The following NCOR2 variants were observed in gnomAD, a reference collection of about 807,000 sequenced individuals.
The protein encoded by NCOR2 is CTG repeat protein 26.
In NCOR2, 81 loss-of-function variants were observed where a neutral mutation model predicts 262.9. That is an observed-to-expected ratio of 0.31 (90% CI 0.26 to 0.37). NCOR2 has a LOEUF of 0.37. NCOR2 is among the 10% of genes least tolerant of loss of function. The probability of loss-of-function intolerance (pLI) is 1.00; values close to 1 mark genes in which losing one functional copy is unlikely to be tolerated. For synonymous variants in NCOR2, 1,659 were observed against 1,559.3 expected (o/e 1.06, Z -1.51); for missense variants, 3,385 against 3,621.4 (o/e 0.93, Z 1.68).
intron 20 of NCOR2, 64 bp downstream of exon 22, chr12:124,371,958 A>T: frequency 6.8e-7 from 1 of 1,461,388 alleles, no homozygotes; most frequent in Non-Finnish European, 9.1e-7. Context: ...CTGTCTAAGT[A>T]GGTAGTCGCT....
chr12:124,525,683 G>T (rs906216148), intron 1 of NCOR2, among the ~76,000 whole-genome samples: 4 of 152,238 alleles, frequency 2.6e-5, no homozygotes, highest in African/African-American at 9.6e-5. Context: ...AAGAGATCCA[G>T]GCTGGCTGCG....
At chr12:124,380,112 G>A (rs907739473) in intron 17 of NCOR2, among the ~76,000 whole-genome samples, 9 of 152,334 alleles carry the variant, frequency 5.9e-5, no homozygotes, top group East Asian at 1.9e-4. Context: ...TGGTGCACCC[G>A]GATTCCAAGA....
chr12:124,336,945 C>T, exon 38 of NCOR2: 1 of 1,545,392 alleles, frequency 6.5e-7, no homozygotes, highest in Non-Finnish European at 8.7e-7. Context: ...GGCTCCGAGC[C>T]CTTGCTGGGG....
intron 18 of NCOR2, among the ~76,000 whole-genome samples, chr12:124,375,153 G>A (rs539808543): frequency 6.6e-6 from 1 of 152,198 alleles, no homozygotes; most frequent in East Asian, 1.9e-4. Context: ...GGAGGGGAGA[G>A]CACTGAGCCC....
chr12:124,405,588 T>C (rs2042230804), intron 13 of NCOR2, among the ~76,000 whole-genome samples: 1 of 152,176 alleles, frequency 6.6e-6, no homozygotes, highest in Non-Finnish European at 1.5e-5. Flanking sequence ...GGCCTTAAAA[T>C]ATGCTTTCCA....
intron 7 of NCOR2, 46 bp downstream of exon 9, chr12:124,449,769 C>T (rs1267998040): frequency 1.2e-6 from 2 of 1,606,876 alleles, no homozygotes; most frequent in East Asian, 2.2e-5. Context: ...AGCCTGCTCG[C>T]CCACCCTGCC....
chr12:124,397,007 T>C (rs1352299045), intron 16 of NCOR2, among the ~76,000 whole-genome samples: 4 of 151,600 alleles, frequency 2.6e-5, no homozygotes, highest in Non-Finnish European at 5.9e-5. Flanking sequence ...GGACGGGGAG[T>C]GGGGGCCTGG....
intron 40 of NCOR2, 197 bp downstream of exon 42, chr12:124,334,938 A>AG: frequency 1.3e-6 from 1 of 746,464 alleles, no homozygotes; most frequent in Non-Finnish European, 2.2e-6. Context: ...CCCATGGATT[A>AG]GGGGGCGGTG....
In NCOR2 at chr12:124,434,003, A is replaced by C. The variant is rs374944871; in HGVS notation, c.883-3216T>G. ...GGAGCGCAAATCCACTAGGGAGAAG[A>C]AGCAGGCCAGCCATGCCTCTGGGAC... is the stretch of plus-strand genomic sequence containing the variant. On this transcript the variant is annotated intron_variant, in intron 8 of 46. Transcript: ENST00000405201. 4.0e-4 allele frequency among the ~76,000 whole-genome samples: 60 copies of C among 151,598 alleles called. No individual in the cohort carries two copies. In the South Asian group the frequency reaches 8.0e-3, roughly 20 times the overall value.
chr12:124,375,207 C>T (rs1429045614), intron 18 of NCOR2, among the ~76,000 whole-genome samples: 1 of 152,200 alleles, frequency 6.6e-6, no homozygotes, highest in Non-Finnish European at 1.5e-5. Context: ...TGCCTGGTGA[C>T]TTCAGCAATG....
chr12:124,473,010 C>T (rs369807577), exon 4 of NCOR2: 5 of 1,614,044 alleles, frequency 3.1e-6, no homozygotes, highest in Non-Finnish European at 4.2e-6. Context: ...TCGGTCCACG[C>T]GGTCCATGTT....
intron 11 of NCOR2, among the ~76,000 whole-genome samples, chr12:124,423,082 C>G (rs1283713716): frequency 6.6e-6 from 1 of 152,184 alleles, no homozygotes; most frequent in Non-Finnish European, 1.5e-5. Flanking sequence ...GCCAAGGAGG[C>G]GGCAAGCATG....
intron 11 of NCOR2, among the ~76,000 whole-genome samples, chr12:124,424,511 C>A (rs1262230847): frequency 6.6e-6 from 1 of 152,156 alleles, no homozygotes; most frequent in African/African-American, 2.4e-5. Flanking sequence ...GGGCTCATTA[C>A]CCCACCCCTC....
Position 124,404,745 on chromosome 12 carries a change from A to T in NCOR2, c.1483-2184T>A, listed in dbSNP as rs562348423. Among the ~76,000 whole-genome samples the T allele has an allele frequency of 9.9e-5, 15 of 152,276 alleles. No individual in the cohort carries two copies. The South Asian group carries it at 3.1e-3, about 32-fold the overall frequency. On this transcript the variant is annotated intron_variant, in intron 13 of 46. Transcript: ENST00000405201. ...GAGAAAATCCCCACAGATCCCCGAG[A>T]GCTGACTATGTGCCCAGCACTGTGC...
intron 11 of NCOR2, 103 bp downstream of exon 13, chr12:124,426,518 AC>A: frequency 2.5e-5 from 29 of 1,157,072 alleles, no homozygotes; most frequent in East Asian, 2.2e-4. Flanking sequence ...GGTTTTAAGC[AC>A]CCCCCGGCAT....
chr12:124,449,683 G>A (rs368333177), intron 7 of NCOR2, 132 bp downstream of exon 9: 2 of 1,066,084 alleles, frequency 1.9e-6, no homozygotes, highest in Non-Finnish European at 1.4e-6. Context: ...GTCCCCTCCG[G>A]GAGCACCTGG....
exon 24 of NCOR2, chr12:124,355,543 G>A (rs1432203074): frequency 6.3e-7 from 1 of 1,589,322 alleles, no homozygotes; most frequent in South Asian, 1.2e-5. Flanking sequence ...GCCGGGCAGT[G>A]TCATGGAGGC....
chr12:124,335,517 G>T, exon 39 of NCOR2: 1 of 1,608,436 alleles, frequency 6.2e-7, no homozygotes. Context: ...CCTCCAGGTG[G>T]CTCTTGTCGA....
At chr12:124,332,145 G>T in intron 43 of NCOR2, 174 bp downstream of exon 45, 1 of 732,450 alleles carries the variant, frequency 1.4e-6, no homozygotes, top group Non-Finnish European at 2.2e-6. Flanking sequence ...TCAAGAAACT[G>T]CCCTGGGGCT....
Sources: allele counts gnomAD v4.1 joint callset (sites outside exome capture counted in the v4.1 genomes callset), GRCh38; gene constraint gnomAD v4.1.1; transcripts MANE v1.5; gene names NCBI Gene and HGNC (gene_info 2026-07-23, HGNC 2026-07-21).